CCDC85C: variants seen among roughly 807,000 people sequenced by gnomAD.
The protein encoded by CCDC85C is coiled-coil domain containing 85C, also known as coiled-coil domain-containing protein 85C.
In CCDC85C, 18 loss-of-function variants were observed where a neutral mutation model predicts 38.3. The observed-to-expected ratio is 0.47, with a 90% CI of 0.33 to 0.70. CCDC85C has a LOEUF of 0.70. Among genes scored for constraint, CCDC85C ranks in the 30% least tolerant of loss-of-function variants. The pLI is 0.03. For synonymous variants in CCDC85C, 264 were observed against 293.8 expected (o/e 0.90, Z 1.04); for missense variants, 566 against 621.2 (o/e 0.91, Z 0.94).
At position 99,507,704 on chromosome 14, in the gene CCDC85C, C is replaced by T. The variant is rs1353036175; in HGVS notation, c.*7542G>A. On this transcript the variant is annotated 3_prime_UTR_variant, in exon 6 of 6. Coordinates refer to ENST00000380243, the MANE Select transcript of CCDC85C (RefSeq NM_001144995.2). ...TTTTAGGAAAGAAAGCCAAACCCCG[C>T]CTTCTGAGATAGAGGCAGGGTTACT... 6.5e-6 allele frequency: 1 copy of T among 154,104 alleles called. No individual in the cohort carries two copies. Among genetic ancestry groups the T allele is most frequent in the Non-Finnish European group, 1.4e-5 (1 of 69,316 alleles). 9.5% of individuals were successfully genotyped at this position (154,104 alleles called of 1,614,324 possible). A position where few individuals can be genotyped will look rare whatever the true frequency, so the allele number is the denominator to read the frequency against.
Position 99,501,461 on chromosome 14 carries a change from G to C in CCDC85C, c.*13785C>G. ...TAATTACAGTATTTTAAAATAGGCAGAGACTTTATGGACCATTTCATCTAA... is the reference window on the plus strand; with the variant it reads ...TAATTACAGTATTTTAAAATAGGCACAGACTTTATGGACCATTTCATCTAA... On this transcript the variant is annotated 3_prime_UTR_variant, in exon 6 of 6. Coordinates refer to ENST00000380243, the MANE Select transcript of CCDC85C (RefSeq NM_001144995.2). 1 of 1,211,766 alleles carries C rather than the reference G, an allele frequency of 8.3e-7. No individual in the cohort carries two copies. The highest frequency in any genetic ancestry group is 1.2e-6 in the Non-Finnish European group (1 of 818,806). 75.1% of individuals were successfully genotyped at this position (1,211,766 alleles called of 1,614,324 possible).
At chr14:99,526,360 G>T (rs1897383300) in intron 2 of CCDC85C, among the ~76,000 whole-genome samples, 1 of 152,234 alleles carries the variant, frequency 6.6e-6, no homozygotes, top group South Asian at 2.1e-4. Context: ...CTGAGCGTGT[G>T]CTAAGATGGT....
rs889569887 is a variant in CCDC85C at position 99,508,710 on chromosome 14, A to C, written c.*6536T>G. The stretch of plus-strand genomic sequence containing the variant: ...TGTACAGAGAGGGAATGGGGTGCCC[A>C]GGAGAGACCCCCACTTGCTGTTCCA... On this transcript the variant is annotated 3_prime_UTR_variant, in exon 6 of 6. Transcript: ENST00000380243. 21 of 152,616 alleles carry C rather than the reference A, an allele frequency of 1.4e-4. No homozygotes were observed. The highest frequency in any genetic ancestry group is 5.0e-4 in the African/African-American group (21 of 41,594). The allele number at this position is 152,616 out of a possible 1,614,324, so 9.5% of individuals were successfully genotyped here. A position where few individuals can be genotyped will look rare whatever the true frequency, so the allele number is the denominator to read the frequency against.
rs1898380011 is a variant in CCDC85C at position 99,572,727 on chromosome 14, T to C, written c.793+30440A>G. The C allele has an allele frequency of 2.2e-6, 1 of 455,996 alleles. No individual in the cohort carries two copies. 28.2% of individuals were successfully genotyped at this position (455,996 alleles called of 1,614,324 possible). ...GCTCTTCCTAGCACTCACCAGGATA[T>C]GAAACTGTCCCATCCATGGATTTGT... On this transcript the variant is annotated intron_variant, in intron 1 of 5. Coordinates refer to ENST00000380243, the MANE Select transcript of CCDC85C (RefSeq NM_001144995.2). The surrounding 1 kb of genome is among the most constrained non-coding windows in gnomAD (Gnocchi z 4.4).
Position 99,502,595 on chromosome 14 carries a change from G to A in CCDC85C, c.*12651C>T. ...CCAGTGTTGCACACAACGAAGATGG[G>A]GTGAGTTGTAAATGTGATTCATGCT... On this transcript the variant is annotated 3_prime_UTR_variant, in exon 6 of 6. Coordinates refer to ENST00000380243, the MANE Select transcript of CCDC85C (RefSeq NM_001144995.2). 8.3e-7 allele frequency: 1 copy of A among 1,201,234 alleles called. No homozygotes were observed. Among genetic ancestry groups the A allele is most frequent in the Non-Finnish European group, 1.2e-6 (1 of 853,746 alleles). The allele number at this position is 1,201,234 out of a possible 1,614,324, so 74.4% of individuals were successfully genotyped here.
At chr14:99,602,160 G>C (rs2055205735) in intron 1 of CCDC85C, among the ~76,000 whole-genome samples, 1 of 152,246 alleles carries the variant, frequency 6.6e-6, no homozygotes, top group African/African-American at 2.4e-5. Flanking sequence ...ACCAAAAAAC[G>C]TGGAAGAACA....
In CCDC85C at chr14:99,544,854, C is replaced by T. The variant is rs563629848; in HGVS notation, c.794-8766G>A. Among the ~76,000 whole-genome samples, 3 of 152,290 alleles carry T rather than the reference C, an allele frequency of 2.0e-5. No individual in the cohort carries two copies. The highest frequency in any genetic ancestry group is 3.9e-4 in the East Asian group (2 of 5,184). ...CACATGGCCTGCAGGCTGGCACCAG[C>T]TTCCCCTGAGATCCACCTCCATGCC... On this transcript the variant is annotated intron_variant, in intron 1 of 5. Coordinates refer to ENST00000380243, the MANE Select transcript of CCDC85C (RefSeq NM_001144995.2). This position sits in a 1 kb window ranked among gnomAD's most constrained non-coding sequence, Gnocchi z 5.3.
chr14:99,566,883 C>A (rs1898225567), intron 1 of CCDC85C, among the ~76,000 whole-genome samples: 1 of 152,190 alleles, frequency 6.6e-6, no homozygotes, highest in Non-Finnish European at 1.5e-5. Flanking sequence ...AGGGAAGGGG[C>A]CTAGATGGCT....
At chr14:99,565,964 C>T (rs1033110762) in intron 1 of CCDC85C, among the ~76,000 whole-genome samples, 6 of 152,218 alleles carry the variant, frequency 3.9e-5, no homozygotes, top group Admixed American at 1.3e-4. Flanking sequence ...GCTCCAGCCC[C>T]GAGCCCAGAG....
chr14:99,505,411 C>G lies in CCDC85C; in HGVS notation c.*9835G>C, dbSNP rs948828876. ...TGAAGCACTGACAATGCAAAATACACAGAGATTTCCAAGAAAGGAGAACGT... is the reference window on the plus strand; with the variant it reads ...TGAAGCACTGACAATGCAAAATACAGAGAGATTTCCAAGAAAGGAGAACGT... On this transcript the variant is annotated 3_prime_UTR_variant, in exon 6 of 6. Transcript: ENST00000380243. 6.6e-6 allele frequency: 1 copy of G among 152,200 alleles called. No individual in the cohort carries two copies. The highest frequency in any genetic ancestry group is 2.4e-5 in the African/African-American group (1 of 41,442). 9.4% of individuals were successfully genotyped at this position (152,200 alleles called of 1,614,324 possible). A position where few individuals can be genotyped will look rare whatever the true frequency, so the allele number is the denominator to read the frequency against.
At chr14:99,593,232 G>A (rs914414174) in intron 1 of CCDC85C, among the ~76,000 whole-genome samples, 7 of 152,248 alleles carry the variant, frequency 4.6e-5, no homozygotes, top group East Asian at 1.9e-4. Context: ...AGACAAGAGC[G>A]GGCCTCCTTC....
At chr14:99,598,625 G>A (rs2055168559) in intron 1 of CCDC85C, among the ~76,000 whole-genome samples, 1 of 152,168 alleles carries the variant, frequency 6.6e-6, no homozygotes, top group Admixed American at 6.5e-5. Context: ...CTGTGGCAGA[G>A]GTCACCGCTC....
Position 99,520,112 on chromosome 14 carries a change from C to T in CCDC85C, c.975+2021G>A, listed in dbSNP as rs889578849. On this transcript the variant is annotated intron_variant, in intron 3 of 5. Coordinates refer to ENST00000380243, the MANE Select transcript of CCDC85C (RefSeq NM_001144995.2). The surrounding 1 kb of genome is among the most constrained non-coding windows in gnomAD (Gnocchi z 4.1). Reference sequence around the variant, plus strand: ...GTGGGCAGGGAGGGGGTGTCCACCCCAGAGAGTCACCTGCTTTACCCAGGG... The same window carrying T: ...GTGGGCAGGGAGGGGGTGTCCACCCTAGAGAGTCACCTGCTTTACCCAGGG... Among the ~76,000 whole-genome samples, 4 of 152,192 alleles carry T rather than the reference C, an allele frequency of 2.6e-5. No individual in the cohort carries two copies. Among genetic ancestry groups the T allele is most frequent in the African/African-American group, 9.7e-5 (4 of 41,442 alleles).
intron 1 of CCDC85C, among the ~76,000 whole-genome samples, chr14:99,551,309 G>C (rs1897902134): frequency 6.6e-6 from 1 of 152,220 alleles, no homozygotes; most frequent in East Asian, 1.9e-4. Context: ...ATTGGAGGCA[G>C]TGGGGGGAAG....
At chr14:99,581,783 T>C (rs1167911454) in intron 1 of CCDC85C, among the ~76,000 whole-genome samples, 2 of 152,188 alleles carry the variant, frequency 1.3e-5, no homozygotes, top group African/African-American at 4.8e-5. Context: ...GCCCCAGATG[T>C]GAGCAGCTAT....
rs1897064448 is a variant in CCDC85C at position 99,509,539 on chromosome 14, C to G, written c.*5707G>C. ...GCAGCACGCACAGACATGCAGCACG[C>G]ACGCAGCACGCACACGCACACACAT... On this transcript the variant is annotated 3_prime_UTR_variant, in exon 6 of 6. Coordinates refer to ENST00000380243, the MANE Select transcript of CCDC85C (RefSeq NM_001144995.2). 6.5e-6 allele frequency: 1 copy of G among 152,812 alleles called. No individual in the cohort carries two copies. The highest frequency in any genetic ancestry group is 6.4e-5 in the Admixed American group (1 of 15,608). 9.5% of individuals were successfully genotyped at this position (152,812 alleles called of 1,614,324 possible). A position where few individuals can be genotyped will look rare whatever the true frequency, so the allele number is the denominator to read the frequency against.
rs965195603 is a variant in CCDC85C at position 99,519,237 on chromosome 14, T to C, written c.976-2054A>G. 3.4e-5 allele frequency among the ~76,000 whole-genome samples: 5 copies of C among 145,720 alleles called. No individual in the cohort carries two copies. In the South Asian group the frequency reaches 1.1e-3, roughly 32 times the overall value. ...CTCAAGCAATCCTCCCACCCCAGCT[T>C]CCAGCGTAGTTGGAACTACAGATGC... On this transcript the variant is annotated intron_variant, in intron 3 of 5. Coordinates refer to ENST00000380243, the MANE Select transcript of CCDC85C (RefSeq NM_001144995.2).
At chr14:99,565,989 C>T (rs1369376142) in intron 1 of CCDC85C, among the ~76,000 whole-genome samples, 3 of 152,212 alleles carry the variant, frequency 2.0e-5, no homozygotes, top group Non-Finnish European at 2.9e-5. Flanking sequence ...AATGAGCTGT[C>T]GTAACGCAGC....
intron 2 of CCDC85C, among the ~76,000 whole-genome samples, chr14:99,532,644 G>A (rs1242826044): frequency 2.6e-5 from 4 of 152,252 alleles, no homozygotes; most frequent in African/African-American, 2.4e-5. Context: ...CACTGCTGCC[G>A]AGAGCCAAGG....
Sources: allele counts gnomAD v4.1 joint callset (sites outside exome capture counted in the v4.1 genomes callset), GRCh38; gene constraint gnomAD v4.1.1; non-coding constraint Gnocchi (gnomAD v3.1); transcripts MANE v1.5; gene names NCBI Gene and HGNC (gene_info 2026-07-23, HGNC 2026-07-21).